HEPACAM2: variants seen among roughly 807,000 people sequenced by gnomAD.
The protein encoded by HEPACAM2 is mitotic kinetics regulator.
HEPACAM2 carries 49 observed loss-of-function variants against 49.6 expected under a neutral mutation model. That is an observed-to-expected ratio of 0.99 (90% CI 0.78 to 1.25). The LOEUF (loss-of-function observed/expected upper bound fraction) is 1.25, where lower values mean the gene tolerates loss of function less well. Among genes scored for constraint, HEPACAM2 ranks in the 50% most tolerant of loss-of-function variants. The pLI, the probability that HEPACAM2 is intolerant of heterozygous loss-of-function variation, is 0.00. For synonymous variants in HEPACAM2, 197 were observed against 202.9 expected (o/e 0.97, Z 0.25); for missense variants, 525 against 557.2 (o/e 0.94, Z 0.58).
intron 9 of HEPACAM2, among the ~76,000 whole-genome samples, chr7:93,189,988 T>C (rs1337134023): frequency 6.6e-6 from 1 of 152,028 alleles, no homozygotes; most frequent in Non-Finnish European, 1.5e-5. Context: ...AGGTGGCATT[T>C]ATTCTACTGA....
intron 3 of HEPACAM2, among the ~76,000 whole-genome samples, chr7:93,210,639 A>G (rs1029897321): frequency 6.6e-6 from 1 of 151,970 alleles, no homozygotes; most frequent in African/African-American, 2.4e-5. Context: ...AGATAGAGGT[A>G]TGAGACATTC....
intron 4 of HEPACAM2, among the ~76,000 whole-genome samples, chr7:93,200,147 C>T (rs1281008314): frequency 6.6e-6 from 1 of 151,738 alleles, no homozygotes; most frequent in Non-Finnish European, 1.5e-5. Flanking sequence ...TTCTCTATTC[C>T]TACTGAGTTT....
chr7:93,220,709 G>A (rs1280148026), intron 1 of HEPACAM2, among the ~76,000 whole-genome samples: 9 of 152,140 alleles, frequency 5.9e-5, no homozygotes, highest in African/African-American at 2.2e-4. Context: ...GGGATTTGTG[G>A]ACCCATGCAT....
chr7:93,189,655 C>T (rs1466062281), intron 9 of HEPACAM2, among the ~76,000 whole-genome samples: 6 of 151,856 alleles, frequency 4.0e-5, no homozygotes, highest in African/African-American at 1.5e-4. Flanking sequence ...ACCAATTTAC[C>T]AGTTTGTTAA....
chr7:93,193,089 A>G (rs144446643), intron 8 of HEPACAM2, among the ~76,000 whole-genome samples: 36 of 152,098 alleles, frequency 2.4e-4, no homozygotes, highest in African/African-American at 7.9e-4. Context: ...CCCATCCCAA[A>G]TGCTTCCTAT....
chr7:93,204,181 G>A (rs1041958738), intron 4 of HEPACAM2, among the ~76,000 whole-genome samples: 6 of 152,096 alleles, frequency 3.9e-5, no homozygotes. Flanking sequence ...TCAGGATCAC[G>A]TACAAATTGA....
intron 4 of HEPACAM2, among the ~76,000 whole-genome samples, chr7:93,202,031 C>CCAAAAAAAAAAAAAAAAAA (rs1793901647): frequency 4.4e-5 from 1 of 22,760 alleles, no homozygotes; most frequent in Non-Finnish European, 8.0e-5. Flanking sequence ...AAAAAAAAAA[C>CCAAAAAAAAAAAAAAAAAA]CAAAAAAAAA....
upstream of HEPACAM2, among the ~76,000 whole-genome samples, chr7:93,228,255 T>C (rs1794573220): frequency 6.6e-6 from 1 of 152,210 alleles, no homozygotes; most frequent in Non-Finnish European, 1.5e-5. Context: ...ATTTTCTTTG[T>C]TGTATTTGAA....
chr7:93,206,208 A>C (rs1363195805), intron 4 of HEPACAM2, among the ~76,000 whole-genome samples: 1 of 152,120 alleles, frequency 6.6e-6, no homozygotes, highest in East Asian at 1.9e-4. Context: ...GATTGCTACT[A>C]TTTTATGTGC....
chr7:93,218,233 A>G (rs899984598), intron 2 of HEPACAM2, among the ~76,000 whole-genome samples: 1 of 152,110 alleles, frequency 6.6e-6, no homozygotes, highest in Non-Finnish European at 1.5e-5. Context: ...TGAGTGAGAT[A>G]GAAGCAATGG....
chr7:93,206,980 A>G (rs73218058), intron 4 of HEPACAM2, among the ~76,000 whole-genome samples: 5,094 of 152,150 alleles, frequency 0.033, 104 homozygotes, highest in Non-Finnish European at 0.038. Flanking sequence ...TCACACTTGT[A>G]TGTGCTGAAT....
chr7:93,192,823 A>G (rs1415100338), intron 8 of HEPACAM2, among the ~76,000 whole-genome samples: 1 of 152,114 alleles, frequency 6.6e-6, no homozygotes, highest in Non-Finnish European at 1.5e-5. Flanking sequence ...CATATTGCAA[A>G]TAAGTAAAGA....
At chr7:93,196,841 A>T (rs1482591590) in intron 7 of HEPACAM2, among the ~76,000 whole-genome samples, 1 of 152,128 alleles carries the variant, frequency 6.6e-6, no homozygotes, top group Non-Finnish European at 1.5e-5. Flanking sequence ...TCTCTTTGGG[A>T]TGGAGCTGCC....
chr7:93,189,727 C>A (rs1326564019), intron 9 of HEPACAM2, among the ~76,000 whole-genome samples: 2 of 151,882 alleles, frequency 1.3e-5, no homozygotes, highest in East Asian at 3.9e-4. Flanking sequence ...TATTTTACAA[C>A]AGTCTAAGAG....
chr7:93,189,233 T>C lies in HEPACAM2; in HGVS notation c.*34A>G, dbSNP rs773693444. ...TTTTCCTTAAAATGTTTCTTCAGAA[T>C]TTCACTCGAATGTACTGTTTAGCCC... is the stretch of plus-strand genomic sequence containing the variant. On this transcript the variant is annotated 3_prime_UTR_variant, in exon 10 of 10. Coordinates refer to ENST00000394468, the MANE Select transcript of HEPACAM2 (RefSeq NM_001039372.4). The C allele has an allele frequency of 6.4e-7, 1 of 1,574,258 alleles. No individual in the cohort carries two copies. Among genetic ancestry groups the C allele is most frequent in the South Asian group, 1.1e-5 (1 of 88,888 alleles).
intron 2 of HEPACAM2, among the ~76,000 whole-genome samples, chr7:93,217,422 C>T (rs1453604847): frequency 6.6e-6 from 1 of 152,162 alleles, no homozygotes; most frequent in Non-Finnish European, 1.5e-5. Flanking sequence ...TTGCATTTTC[C>T]TAAGCAGATG....
chr7:93,224,319 A>T (rs918628640), intron 1 of HEPACAM2, among the ~76,000 whole-genome samples: 7 of 152,044 alleles, frequency 4.6e-5, no homozygotes, highest in Admixed American at 2.6e-4. Flanking sequence ...ATGAAATTTA[A>T]ATTTATTTTT....
intron 2 of HEPACAM2, among the ~76,000 whole-genome samples, chr7:93,218,174 C>T (rs1378865969): frequency 7.2e-5 from 11 of 151,996 alleles, no homozygotes; most frequent in African/African-American, 2.4e-4. Context: ...GTCAGATAGG[C>T]GCTGGGTATG....
chr7:93,227,166 G>T (rs1330323234), upstream of HEPACAM2, among the ~76,000 whole-genome samples: 1 of 152,158 alleles, frequency 6.6e-6, no homozygotes, highest in Non-Finnish European at 1.5e-5. Flanking sequence ...CACAGCTGAT[G>T]CATAGAGGAA....
Sources: gnomAD v4.1 joint callset for allele counts (sites outside exome capture counted in the v4.1 genomes callset) on GRCh38, gnomAD v4.1.1 for gene constraint, MANE v1.5 for transcripts, NCBI Gene and HGNC (gene_info 2026-07-23, HGNC 2026-07-21) for gene names.